ZNF385D: variants seen among roughly 807,000 people sequenced by gnomAD.
The protein encoded by ZNF385D is zinc finger protein 385D.
In ZNF385D, 15 loss-of-function variants were observed where a neutral mutation model predicts 35.8. That is an observed-to-expected ratio of 0.42 (90% CI 0.28 to 0.64). The LOEUF is 0.64. ZNF385D is among the 30% of genes least tolerant of loss of function. The probability of loss-of-function intolerance (pLI) is 0.23; values close to 1 mark genes in which losing one functional copy is unlikely to be tolerated. For synonymous variants in ZNF385D, 212 were observed against 186.8 expected, an observed-to-expected ratio of 1.13 and a Z score of -1.10; for missense variants, 474 against 494.6, an observed-to-expected ratio of 0.96 and a Z score of 0.39.
At chr3:21,746,000 T>C (rs1179156324) in intron 1 of ZNF385D, among the ~76,000 whole-genome samples, 1 of 152,322 alleles carries the variant, frequency 6.6e-6, no homozygotes, top group Admixed American at 6.5e-5. Context: ...ATAAATGCTA[T>C]GACTGAAGTA....
intron 3 of ZNF385D, among the ~76,000 whole-genome samples, chr3:21,822,147 C>G (rs1694287504): frequency 6.6e-6 from 1 of 152,018 alleles, no homozygotes; most frequent in Admixed American, 6.6e-5. Flanking sequence ...TCTTGGCTCA[C>G]TGTAAGCTCT....
chr3:21,433,620 G>A (rs889216879), intron 5 of ZNF385D, among the ~76,000 whole-genome samples: 6 of 152,136 alleles, frequency 3.9e-5, no homozygotes, highest in African/African-American at 1.4e-4. Flanking sequence ...ATTGATTGCT[G>A]TCTTCTCTGA....
At chr3:22,371,697 T>C (rs1446687802) in intron 2 of ZNF385D, among the ~76,000 whole-genome samples, 1 of 152,126 alleles carries the variant, frequency 6.6e-6, no homozygotes, top group African/African-American at 2.4e-5. Context: ...GGTACACAAC[T>C]CTGTGCTCTC....
intron 3 of ZNF385D, among the ~76,000 whole-genome samples, chr3:22,003,697 T>C (rs1013733859): frequency 6.6e-6 from 1 of 151,948 alleles, no homozygotes; most frequent in Admixed American, 6.6e-5. Context: ...TGAAACCATG[T>C]CTCTACTAAA....
intron 3 of ZNF385D, among the ~76,000 whole-genome samples, chr3:22,014,738 G>C (rs1576155235): frequency 6.6e-6 from 1 of 152,012 alleles, no homozygotes; most frequent in Non-Finnish European, 1.5e-5. Context: ...AAACCGCTAA[G>C]AATTGTGATT....
chr3:21,997,926 A>G (rs1188544601), intron 3 of ZNF385D, among the ~76,000 whole-genome samples: 1 of 150,190 alleles, frequency 6.7e-6, no homozygotes, highest in East Asian at 2.0e-4. Flanking sequence ...AGAGAGAGAG[A>G]AATTAGGGGA....
rs140836038 is a variant in ZNF385D at position 22,057,241 on chromosome 3, G to A, written c.325+111576C>T. Among the ~76,000 whole-genome samples, 98 of 152,250 alleles carry A rather than the reference G, an allele frequency of 6.4e-4. 1 individual carries two copies. In the East Asian group the frequency reaches 0.014, roughly 22 times the overall value. ...AAATTTTCTCAGCCTCAGTTTATCTGTTTATGAAATAGAAATTACAAGAAT... is the reference window on the plus strand; with the variant it reads ...AAATTTTCTCAGCCTCAGTTTATCTATTTATGAAATAGAAATTACAAGAAT... On this transcript the variant is annotated intron_variant, in intron 3 of 5. Transcript: ENST00000494108.
At chr3:22,286,255 A>G (rs539768265) in intron 2 of ZNF385D, among the ~76,000 whole-genome samples, 1 of 152,128 alleles carries the variant, frequency 6.6e-6, no homozygotes, top group Non-Finnish European at 1.5e-5. Context: ...GTGATGTACT[A>G]ATATCCGCGC....
chr3:22,157,347 T>G (rs1423485907), intron 3 of ZNF385D, among the ~76,000 whole-genome samples: 1 of 152,118 alleles, frequency 6.6e-6, no homozygotes, highest in Admixed American at 6.6e-5. Context: ...TACTCATCAT[T>G]TATATTTTTG....
intron 2 of ZNF385D, among the ~76,000 whole-genome samples, chr3:22,355,555 A>G (rs931649308): frequency 6.6e-6 from 1 of 151,990 alleles, no homozygotes; most frequent in Admixed American, 6.6e-5. Flanking sequence ...AAAGAAGTCA[A>G]TCAGCTCCAT....
chr3:21,869,543 C>A (rs1315782816), intron 3 of ZNF385D, among the ~76,000 whole-genome samples: 1 of 152,038 alleles, frequency 6.6e-6, no homozygotes, highest in African/African-American at 2.4e-5. Flanking sequence ...GTTGAACAGG[C>A]ACCATTAAAC....
Position 21,467,344 on chromosome 3 carries a change from C to T in ZNF385D, c.440-30141G>A, listed in dbSNP as rs535553768. On this transcript the variant is annotated intron_variant, in intron 4 of 7. Coordinates refer to ENST00000281523, the MANE Select transcript of ZNF385D (RefSeq NM_024697.3). ...ATATTTTAGATACGGGGCTTCTTTG[C>T]CAAAACATTATTCTGATTCTAAGTG... Among the ~76,000 whole-genome samples the T allele has an allele frequency of 3.7e-4, 56 of 152,142 alleles. No homozygotes were observed. The South Asian group carries it at 0.011, about 31-fold the overall frequency.
At chr3:21,595,340 A>G (rs1187219104) in intron 2 of ZNF385D, among the ~76,000 whole-genome samples, 1 of 151,978 alleles carries the variant, frequency 6.6e-6, no homozygotes, top group Non-Finnish European at 1.5e-5. Context: ...AGAAACATAT[A>G]TAACTGCCAT....
At chr3:21,641,145 T>C (rs895508569) in intron 2 of ZNF385D, among the ~76,000 whole-genome samples, 1 of 152,138 alleles carries the variant, frequency 6.6e-6, no homozygotes, top group Admixed American at 6.6e-5. Flanking sequence ...GTGTTCTTGC[T>C]GTAACTATTT....
At chr3:22,315,117 G>A (rs1186192937) in intron 2 of ZNF385D, among the ~76,000 whole-genome samples, 1 of 152,106 alleles carries the variant, frequency 6.6e-6, no homozygotes, top group African/African-American at 2.4e-5. Flanking sequence ...CGTAAAATCA[G>A]GGGTACAGCC....
At chr3:22,196,620 C>CA (rs1281246962) in intron 2 of ZNF385D, among the ~76,000 whole-genome samples, 1 of 151,834 alleles carries the variant, frequency 6.6e-6, no homozygotes, top group African/African-American at 2.4e-5. Context: ...TATTAGAGTC[C>CA]ATTGCAGATT....
At chr3:22,370,903 C>T (rs1696872676) in intron 2 of ZNF385D, among the ~76,000 whole-genome samples, 1 of 152,102 alleles carries the variant, frequency 6.6e-6, no homozygotes, top group South Asian at 2.1e-4. Context: ...CCGATTTTTG[C>T]CTCAGGTCTC....
chr3:21,683,077 AT>A (rs748755458), intron 1 of ZNF385D, among the ~76,000 whole-genome samples: 9 of 149,782 alleles, frequency 6.0e-5, no homozygotes, highest in African/African-American at 7.4e-5. Context: ...GGAGCTGCTA[AT>A]TTGCATTACT....
chr3:21,432,062 AAAAG>A (rs1693407586), intron 5 of ZNF385D, among the ~76,000 whole-genome samples: 1 of 152,150 alleles, frequency 6.6e-6, no homozygotes, highest in Non-Finnish European at 1.5e-5. Context: ...TTCATTTGTA[AAAAG>A]AAAGTTATGA....
Sources: allele counts gnomAD v4.1 joint callset (sites outside exome capture counted in the v4.1 genomes callset), GRCh38; gene constraint gnomAD v4.1.1; transcripts MANE v1.5; gene names NCBI Gene and HGNC (gene_info 2026-07-23, HGNC 2026-07-21).